KAZN: variants seen among roughly 807,000 people sequenced by gnomAD.
KAZN encodes the protein kazrin.
A neutral mutation model predicts 87.4 loss-of-function variants in KAZN; 40 were observed. That is an observed-to-expected ratio of 0.46 (90% CI 0.36 to 0.60). The LOEUF (loss-of-function observed/expected upper bound fraction) is 0.60. Ranked by LOEUF, KAZN falls within the 20% of genes least tolerant of loss-of-function variation. The pLI is 0.00. For missense variants in KAZN, 898 were observed against 1,073.9 expected (o/e 0.84, Z 2.29); for synonymous variants, 466 against 458.3 (o/e 1.02, Z -0.22).
intron 1 of KAZN, among the ~76,000 whole-genome samples, chr1:14,711,579 A>C (rs1360493931): frequency 6.6e-6 from 1 of 152,182 alleles, no homozygotes; most frequent in East Asian, 1.9e-4. Context: ...TATGAAGGAC[A>C]GTGATTGCTG....
intron 1 of KAZN, among the ~76,000 whole-genome samples, chr1:14,812,642 T>C (rs964922068): frequency 6.6e-6 from 1 of 152,190 alleles, no homozygotes; most frequent in African/African-American, 2.4e-5. Flanking sequence ...GCCTCCTGCA[T>C]AGTTAGGACT....
chr1:14,429,405 C>G (rs1261345040), intron 2 of KAZN, among the ~76,000 whole-genome samples: 1 of 152,094 alleles, frequency 6.6e-6, no homozygotes, highest in Non-Finnish European at 1.5e-5. Flanking sequence ...AACCTGGGTT[C>G]GAAATCCTGC....
At chr1:14,344,805 ACTC>A (rs1657989897) in intron 2 of KAZN, among the ~76,000 whole-genome samples, 2 of 152,110 alleles carry the variant, frequency 1.3e-5, no homozygotes, top group Admixed American at 6.5e-5. Flanking sequence ...AGCTGACAAA[ACTC>A]CTACTAGGTT....
intron 1 of KAZN, among the ~76,000 whole-genome samples, chr1:13,927,768 C>G (rs1640341811): frequency 6.6e-6 from 1 of 152,156 alleles, no homozygotes. Context: ...CGCATAGCAA[C>G]TGAAACAGAG....
chr1:14,060,140 G>A (rs1642731236), intron 1 of KAZN, among the ~76,000 whole-genome samples: 1 of 152,072 alleles, frequency 6.6e-6, no homozygotes, highest in Admixed American at 6.6e-5. Flanking sequence ...GAGGCGGGCG[G>A]ATCACAAGGT....
chr1:15,103,276 AAG>A, intron 11 of KAZN, 81 bp from the exon 12 acceptor site: 1 of 993,504 alleles, frequency 1.0e-6, no homozygotes, highest in East Asian at 2.6e-5. Context: ...CGGGGGGAAA[AAG>A]AGATGCGGGG....
At chr1:14,614,852 C>T (rs896590184) in intron 1 of KAZN, among the ~76,000 whole-genome samples, 33 of 152,220 alleles carry the variant, frequency 2.2e-4, no homozygotes, top group African/African-American at 8.0e-4. Context: ...TAGCACAGGA[C>T]AGAGATCTCT....
At chr1:14,887,346 G>A (rs779779799) in intron 1 of KAZN, among the ~76,000 whole-genome samples, 16 of 152,220 alleles carry the variant, frequency 1.1e-4, no homozygotes, top group South Asian at 4.1e-4. Context: ...GGCTCCTTTC[G>A]GCATGAGTGC....
intron 2 of KAZN, among the ~76,000 whole-genome samples, chr1:14,191,943 C>G (rs1358507095): frequency 6.6e-6 from 1 of 152,162 alleles, no homozygotes; most frequent in Non-Finnish European, 1.5e-5. Context: ...CCAATCTCCT[C>G]TCTCACCATG....
At chr1:14,419,820 C>T (rs1484777258) in intron 2 of KAZN, among the ~76,000 whole-genome samples, 2 of 152,012 alleles carry the variant, frequency 1.3e-5, no homozygotes, top group Admixed American at 6.6e-5. Flanking sequence ...TTCGGGGTCT[C>T]GCTGGTCTCG....
At chr1:14,416,120 C>A (rs1440694401) in intron 2 of KAZN, among the ~76,000 whole-genome samples, 1 of 152,162 alleles carries the variant, frequency 6.6e-6, no homozygotes, top group Non-Finnish European at 1.5e-5. Context: ...CAATGGGCAG[C>A]TGCAATTTTT....
At chr1:14,285,741 C>G (rs1653194522) in intron 2 of KAZN, among the ~76,000 whole-genome samples, 1 of 152,160 alleles carries the variant, frequency 6.6e-6, no homozygotes, top group Non-Finnish European at 1.5e-5. Flanking sequence ...GTTCTTGAGC[C>G]AAGGTGCCTT....
intron 1 of KAZN, among the ~76,000 whole-genome samples, chr1:14,148,949 G>T (rs1645409810): frequency 6.6e-6 from 1 of 152,032 alleles, no homozygotes; most frequent in Non-Finnish European, 1.5e-5. Flanking sequence ...TTTTGGTCTT[G>T]TCGGGTAAAG....
intron 2 of KAZN, among the ~76,000 whole-genome samples, chr1:14,389,909 C>T (rs1389077162): frequency 6.6e-6 from 1 of 151,870 alleles, no homozygotes; most frequent in Non-Finnish European, 1.5e-5. Flanking sequence ...TGATGGGTAC[C>T]CCATTTACCC....
intron 2 of KAZN, among the ~76,000 whole-genome samples, chr1:14,994,708 G>A (rs1232865049): frequency 6.6e-6 from 1 of 152,210 alleles, no homozygotes; most frequent in East Asian, 1.9e-4. Flanking sequence ...TATGCTGTCT[G>A]GTTCAAATCC....
At chr1:14,926,738 C>T (rs994551649) in intron 1 of KAZN, among the ~76,000 whole-genome samples, 20 of 152,196 alleles carry the variant, frequency 1.3e-4, no homozygotes, top group Admixed American at 1.0e-3. Context: ...GCAAGCTGAA[C>T]TTGTTGCTGA....
chr1:14,025,617 G>C (rs1460484569), intron 1 of KAZN, among the ~76,000 whole-genome samples: 1 of 152,082 alleles, frequency 6.6e-6, no homozygotes, highest in Non-Finnish European at 1.5e-5. Flanking sequence ...TAAACCTTCT[G>C]CCATGATGGA....
At chr1:14,178,403 G>T (rs1187366510) in intron 1 of KAZN, among the ~76,000 whole-genome samples, 1 of 151,982 alleles carries the variant, frequency 6.6e-6, no homozygotes, top group African/African-American at 2.4e-5. Flanking sequence ...ACTAATTTTG[G>T]ATAGTTTTAT....
At chr1:14,696,878 A>G (rs901661644) in intron 1 of KAZN, among the ~76,000 whole-genome samples, 2 of 152,304 alleles carry the variant, frequency 1.3e-5, no homozygotes, top group Admixed American at 1.3e-4. Context: ...GAGAAAGGAC[A>G]AGGCTAAGAA....
Sources: gnomAD v4.1 joint callset for allele counts (sites outside exome capture counted in the v4.1 genomes callset) on GRCh38, gnomAD v4.1.1 for gene constraint, MANE v1.5 for transcripts, NCBI Gene and HGNC (gene_info 2026-07-23, HGNC 2026-07-21) for gene names.